Variants in ATP2A2 observed in about 807,000 individuals in gnomAD.
ATP2A2 encodes the protein sarcoplasmic/endoplasmic reticulum calcium ATPase 2.
In ATP2A2, 14 loss-of-function variants were observed where a neutral mutation model predicts 109.3. The ratio of observed to expected loss-of-function variants is 0.13; its 90% confidence interval spans 0.08 to 0.20. The LOEUF is 0.20. ATP2A2 is among the 10% of genes least tolerant of loss of function. ATP2A2 has a pLI of 1.00. For synonymous variants in ATP2A2, 506 were observed against 490.9 expected, an observed-to-expected ratio of 1.03 and a Z score of -0.41; for missense variants, 657 against 1,321.6, an observed-to-expected ratio of 0.50 and a Z score of 7.80.
intron 3 of ATP2A2, among the ~76,000 whole-genome samples, chr12:110,290,122 C>G (rs1346665484): frequency 6.6e-6 from 1 of 152,212 alleles, no homozygotes; most frequent in Non-Finnish European, 1.5e-5. Flanking sequence ...ACAAAATACA[C>G]TTCGGATCTC....
chr12:110,348,614 T>TAAGTC lies in ATP2A2; in HGVS notation c.*2145_*2149dup. Reference sequence around the variant, plus strand: ...GGGTGTGGTGGCTCATGCCTGTAAGTAAGTCTCAGCCCTTTGGAGGCCACA... The same window carrying TAAGTC: ...GGGTGTGGTGGCTCATGCCTGTAAGTAAGTCAAGTCTCAGCCCTTTGGAGGCCACA... On this transcript the variant is annotated 3_prime_UTR_variant, in exon 20 of 20. Coordinates refer to ENST00000539276, the MANE Select transcript of ATP2A2 (RefSeq NM_170665.4). 1 of 985,324 alleles carries TAAGTC rather than the reference T, an allele frequency of 1.0e-6. No individual in the cohort carries two copies. Among genetic ancestry groups the TAAGTC allele is most frequent in the Non-Finnish European group, 1.2e-6 (1 of 829,960 alleles). The allele number at this position is 985,324 out of a possible 1,614,324, so 61.0% of individuals were successfully genotyped here.
rs1368156561 is a variant in ATP2A2 at position 110,327,338 on chromosome 12, T to C, written c.631-215T>C. On this transcript the variant is annotated intron_variant, in intron 7 of 19. Transcript: ENST00000539276. The surrounding 1 kb of genome is among the most constrained non-coding windows in gnomAD (Gnocchi z 4.4). The stretch of plus-strand genomic sequence containing the variant: ...TCTGCAAGCCGGGCTCAAATAGAAA[T>C]CTAGGTGGGTCAGTACAGAGCTGCC... Among the ~76,000 whole-genome samples, 2 of 152,004 alleles carry C rather than the reference T, an allele frequency of 1.3e-5. No individual in the cohort carries two copies. The highest frequency in any genetic ancestry group is 4.8e-5 in the African/African-American group (2 of 41,362).
intron 1 of ATP2A2, among the ~76,000 whole-genome samples, chr12:110,282,290 A>G (rs993406427): frequency 6.6e-6 from 1 of 152,166 alleles, no homozygotes; most frequent in Non-Finnish European, 1.5e-5. Context: ...TGTCCTACCC[A>G]AAGTTACACA....
At chr12:110,344,855 A>AGTGCATC (rs1322220903) in intron 16 of ATP2A2, 31 bp from the exon 17 acceptor site, 1 of 1,607,464 alleles carries the variant, frequency 6.2e-7, no homozygotes, top group East Asian at 2.2e-5. Context: ...TGCAGAGGCA[A>AGTGCATC]GTGCATCAGC....
intron 14 of ATP2A2, among the ~76,000 whole-genome samples, chr12:110,341,502 G>GA: frequency 6.6e-6 from 1 of 152,246 alleles, no homozygotes; most frequent in African/African-American, 2.4e-5. Context: ...ACTGAAGTTG[G>GA]AATTTAGCAA....
chr12:110,302,805 G>A (rs1444748169), intron 5 of ATP2A2, among the ~76,000 whole-genome samples: 1 of 152,022 alleles, frequency 6.6e-6, no homozygotes, highest in Non-Finnish European at 1.5e-5. Context: ...TGCCATATTG[G>A]CCAGGCTGGT....
chr12:110,298,108 T>C (rs959109797), intron 5 of ATP2A2, among the ~76,000 whole-genome samples: 34 of 152,212 alleles, frequency 2.2e-4, no homozygotes, highest in African/African-American at 8.0e-4. Context: ...TGCTTTTATA[T>C]TGACTTGGGA....
intron 5 of ATP2A2, among the ~76,000 whole-genome samples, chr12:110,313,338 G>A (rs973015240): frequency 4.0e-5 from 5 of 124,570 alleles, no homozygotes; most frequent in Non-Finnish European, 4.9e-5. Flanking sequence ...TTTTTGATAC[G>A]GAGTCGCTCT....
At chr12:110,297,009 A>G (rs998283454) in intron 5 of ATP2A2, among the ~76,000 whole-genome samples, 1 of 152,196 alleles carries the variant, frequency 6.6e-6, no homozygotes, top group African/African-American at 2.4e-5. Flanking sequence ...CAAGTGCTAG[A>G]GAGGTAAAAC....
At chr12:110,341,113 G>C in intron 14 of ATP2A2, 119 bp downstream of exon 14, 1 of 1,119,392 alleles carries the variant, frequency 8.9e-7, no homozygotes, top group South Asian at 1.4e-5. Context: ...CATGATTTGG[G>C]TCTTTTCTCT....
At chr12:110,293,826 ATGTGTGTGTGTGTGTGTGTGTG>A (rs59260681) in intron 4 of ATP2A2, among the ~76,000 whole-genome samples, 4 of 108,590 alleles carry the variant, frequency 3.7e-5, no homozygotes, top group South Asian at 3.2e-4. Context: ...TGCCATATAT[ATGTGTGTGTGTGTGTGTGTGTG>A]TGTGTGTGTG....
chr12:110,345,529 C>T (rs1179799171), intron 18 of ATP2A2, 147 bp downstream of exon 18: 5 of 1,241,500 alleles, frequency 4.0e-6, no homozygotes, highest in Admixed American at 2.0e-5. Flanking sequence ...GTTTTAAAAG[C>T]ATGAGCTGTC....
chr12:110,346,838 G>T lies in ATP2A2; in HGVS notation c.*368G>T. 2.7e-6 allele frequency: 3 copies of T among 1,119,680 alleles called. No homozygotes were observed. Among genetic ancestry groups the T allele is most frequent in the Non-Finnish European group, 2.2e-6 (2 of 910,872 alleles). 69.4% of individuals were successfully genotyped at this position (1,119,680 alleles called of 1,614,324 possible). A position where few individuals can be genotyped will look rare whatever the true frequency, so the allele number is the denominator to read the frequency against. ...CAGATTTTAGGAAATGAATGTGTGT[G>T]GTTTTTTTTCTAAAACTAAATAGCA... On this transcript the variant is annotated 3_prime_UTR_variant, in exon 20 of 20. Transcript: ENST00000539276.
chr12:110,294,912 C>T (rs1873800007), intron 4 of ATP2A2, among the ~76,000 whole-genome samples: 3 of 151,972 alleles, frequency 2.0e-5, no homozygotes, highest in African/African-American at 4.8e-5. Flanking sequence ...CTCCACCTCC[C>T]GGACTCAAGA....
chr12:110,343,207 GTCT>G (rs749878006), intron 15 of ATP2A2, 22 bp from the exon 16 acceptor site: 2 of 1,611,486 alleles, frequency 1.2e-6, no homozygotes, highest in South Asian at 1.1e-5. Context: ...GGCTCTCTTT[GTCT>G]TCTTTTCTTG....
chr12:110,337,832 C>T lies in ATP2A2; in HGVS notation c.1420-1449C>T, dbSNP rs374590520. ...GTCTTTAACGCTGACAGTGTGTTTA[C>T]ACAGAGACCATGCTAACATAACAGA... On this transcript the variant is annotated intron_variant, in intron 11 of 19. Coordinates refer to ENST00000539276, the MANE Select transcript of ATP2A2 (RefSeq NM_170665.4). Among the ~76,000 whole-genome samples the T allele has an allele frequency of 3.9e-5, 6 of 152,316 alleles. No homozygotes were observed. The South Asian group carries it at 1.2e-3, about 32-fold the overall frequency.
At chr12:110,291,953 A>G in intron 3 of ATP2A2, 67 bp from the exon 4 acceptor site, 1 of 1,410,956 alleles carries the variant, frequency 7.1e-7, no homozygotes, top group Non-Finnish European at 1.0e-6. Flanking sequence ...GGCCAGTGCT[A>G]GCCACTTTTT....
At chr12:110,283,998 C>T (rs540082062) in intron 3 of ATP2A2, among the ~76,000 whole-genome samples, 2 of 152,314 alleles carry the variant, frequency 1.3e-5, no homozygotes, top group South Asian at 4.1e-4. Context: ...ATAAATCCTG[C>T]TATGATACTT....
Position 110,339,446 on chromosome 12 carries a change from A to G in ATP2A2, c.1542+43A>G, listed in dbSNP as rs1187286289. ...CAATTGAGATGTTCTTGCCAGGGTT[A>G]AGATCCCGGTGAACCAATAAAACAA... On this transcript the variant is annotated intron_variant, in intron 12 of 19. Coordinates refer to ENST00000539276, the MANE Select transcript of ATP2A2 (RefSeq NM_170665.4). The surrounding 1 kb of genome is among the most constrained non-coding windows in gnomAD (Gnocchi z 4.4). 1 of 1,614,214 alleles carries G rather than the reference A, an allele frequency of 6.2e-7. No homozygotes were observed. Among genetic ancestry groups the G allele is most frequent in the East Asian group, 2.2e-5 (1 of 44,890 alleles).
Sources: allele counts gnomAD v4.1 joint callset (sites outside exome capture counted in the v4.1 genomes callset), GRCh38; gene constraint gnomAD v4.1.1; non-coding constraint Gnocchi (gnomAD v3.1); transcripts MANE v1.5; gene names NCBI Gene and HGNC (gene_info 2026-07-23, HGNC 2026-07-21).